KCNG2: variants seen among roughly 807,000 people sequenced by gnomAD.
KCNG2 encodes the protein voltage-gated potassium channel regulatory subunit KCNG2.
KCNG2 carries 7 observed loss-of-function variants against 12.3 expected under a neutral mutation model. That is an observed-to-expected ratio of 0.57 (90% CI 0.32 to 1.07). KCNG2 has a LOEUF of 1.07. Ranked by LOEUF, KCNG2 falls within the 50% of genes least tolerant of loss-of-function variation. KCNG2 has a pLI of 0.04. For synonymous variants in KCNG2, 414 were observed against 351.4 expected (o/e 1.18, Z -1.99); for missense variants, 703 against 726.0 (o/e 0.97, Z 0.36).
At chr18:79,846,963 T>C (rs1978649586) in intron 1 of KCNG2, among the ~76,000 whole-genome samples, 1 of 152,188 alleles carries the variant, frequency 6.6e-6, no homozygotes, top group Admixed American at 6.5e-5. Flanking sequence ...ACGAACTCGT[T>C]TGGCCACAGG....
At chr18:79,863,574 C>T (rs1599403103) in intron 2 of KCNG2, 54 bp from the exon 3 acceptor site, 3 of 1,128,874 alleles carry the variant, frequency 2.7e-6, no homozygotes, top group East Asian at 8.8e-5. Context: ...CGCGGGCGGA[C>T]GCGCTCCCCC....
At chr18:79,842,078 T>A (rs1978476578) in intron 1 of KCNG2, among the ~76,000 whole-genome samples, 1 of 152,078 alleles carries the variant, frequency 6.6e-6, no homozygotes, top group Non-Finnish European at 1.5e-5. Context: ...AGGCCTAGCC[T>A]CCAGGCCCAC....
chr18:79,840,755 G>A (rs1275528125), intron 1 of KCNG2, among the ~76,000 whole-genome samples: 2 of 152,066 alleles, frequency 1.3e-5, no homozygotes, highest in African/African-American at 2.4e-5. Flanking sequence ...ATAGATCAGT[G>A]GAATAGAACA....
chr18:79,820,413 C>T (rs958447872), intron 1 of KCNG2, among the ~76,000 whole-genome samples: 3 of 152,168 alleles, frequency 2.0e-5, no homozygotes, highest in Admixed American at 2.0e-4. Context: ...ATTTTCCCAT[C>T]GGCAATCCTG....
chr18:79,877,955 G>A lies in KCNG2; in HGVS notation c.624+13664G>A, dbSNP rs115849348. Among the ~76,000 whole-genome samples, 1,137 of 152,264 alleles carry A rather than the reference G, an allele frequency of 7.5e-3. 18 individuals are homozygous for A. Among genetic ancestry groups the A allele is most frequent in the African/African-American group, 0.025 (1,049 of 41,562 alleles). ...GCCCACCGGGCTGCATGCCCATTCC[G>A]CCTGGCACCCAGGTTCCTGTGGCCA... On this transcript the variant is annotated intron_variant, in intron 3 of 3. Transcript: ENST00000316249.
chr18:79,836,500 G>A (rs571927926), intron 1 of KCNG2, among the ~76,000 whole-genome samples: 1 of 152,222 alleles, frequency 6.6e-6, no homozygotes, highest in Non-Finnish European at 1.5e-5. Context: ...CCTTTTTCTT[G>A]AGGTAACCAT....
At position 79,899,227 on chromosome 18, in the gene KCNG2, C is replaced by A; in HGVS notation, c.812C>A (p.Ala271Glu). Reference sequence around the variant, plus strand: ...TACGTGTCGCTGCTGCTGGGGCTGGCGGCAGGCCCGGGCGGGACCAAGCTC... The same window carrying A: ...TACGTGTCGCTGCTGCTGGGGCTGGAGGCAGGCCCGGGCGGGACCAAGCTC... ...PFYVSLLLGL[A>E]AGPGGTKLLE... Residue 271 changes from alanine (A) to glutamate (E), a missense_variant, in exon 4 of 4, where the codon GCG becomes GAG. Coordinates refer to ENST00000316249, the MANE Select transcript of KCNG2 (RefSeq NM_012283.2). The A allele has an allele frequency of 1.3e-6, 2 of 1,599,500 alleles. No individual in the cohort carries two copies. Among genetic ancestry groups the A allele is most frequent in the Non-Finnish European group, 8.5e-7 (1 of 1,178,576 alleles).
chr18:79,866,838 AGAGTGTGGGTGCTGAGGTGTG>A (rs1979597107), intron 3 of KCNG2, among the ~76,000 whole-genome samples: 3 of 26,504 alleles, frequency 1.1e-4, no homozygotes, highest in South Asian at 1.7e-3. Context: ...CTGTGTGCTG[AGAGTGTGGGTGCTGAGGTGTG>A]GGTGCTGAGG....
intron 3 of KCNG2, among the ~76,000 whole-genome samples, chr18:79,880,191 A>G (rs1304974506): frequency 6.6e-6 from 1 of 152,090 alleles, no homozygotes; most frequent in Non-Finnish European, 1.5e-5. Flanking sequence ...TAACATTAAT[A>G]TGCCAATAAA....
At chr18:79,832,807 C>T (rs12960174) in intron 1 of KCNG2, among the ~76,000 whole-genome samples, 30,806 of 152,102 alleles carry the variant, frequency 0.2, 4,256 homozygotes, top group Non-Finnish European at 0.29. Flanking sequence ...CATGCTTCAA[C>T]GTGTTCTCAG....
intron 3 of KCNG2, 56 bp downstream of exon 3, chr18:79,864,347 C>A: frequency 4.2e-6 from 1 of 235,696 alleles, no homozygotes; most frequent in Non-Finnish European, 7.8e-6. Context: ...GGGCTGGGAT[C>A]TGGGCTGCGG....
At chr18:79,877,468 C>A (rs948590875) in intron 3 of KCNG2, among the ~76,000 whole-genome samples, 1 of 152,290 alleles carries the variant, frequency 6.6e-6, no homozygotes, top group South Asian at 2.1e-4. Context: ...AGACCTCAGA[C>A]CCCAACAGGA....
At position 79,822,226 on chromosome 18, in the gene KCNG2, C is replaced by T. The variant is rs183799507; in HGVS notation, c.-115+24212C>T. Among the ~76,000 whole-genome samples, 419 of 152,162 alleles carry T rather than the reference C, an allele frequency of 2.8e-3. 2 individuals are homozygous for T. Among genetic ancestry groups the T allele is most frequent in the African/African-American group, 9.6e-3 (398 of 41,506 alleles). On this transcript the variant is annotated intron_variant, in intron 1 of 3. Coordinates refer to ENST00000316249, the MANE Select transcript of KCNG2 (RefSeq NM_012283.2). This position sits in a 1 kb window ranked among gnomAD's most constrained non-coding sequence, Gnocchi z 4.4. The stretch of plus-strand genomic sequence containing the variant: ...TCATAGAGGTTCCCATGTCTCCCAC[C>T]CAGCTTCCTCCAGTGTTGGCAGAAT...
At chr18:79,810,807 A>AC (rs2087489052) in intron 1 of KCNG2, among the ~76,000 whole-genome samples, 1 of 152,226 alleles carries the variant, frequency 6.6e-6, no homozygotes, top group East Asian at 1.9e-4. Context: ...AACTAGAAGT[A>AC]AATATATGCA....
intron 3 of KCNG2, among the ~76,000 whole-genome samples, chr18:79,887,923 G>A (rs573290592): frequency 1.4e-4 from 21 of 152,272 alleles, no homozygotes; most frequent in African/African-American, 4.3e-4. Flanking sequence ...AGAGGGAGGC[G>A]AATGGGGAGT....
At chr18:79,846,377 A>AG (rs1450920627) in intron 1 of KCNG2, among the ~76,000 whole-genome samples, 2 of 150,232 alleles carry the variant, frequency 1.3e-5, no homozygotes, top group East Asian at 3.9e-4. Flanking sequence ...TCCGTCTCAA[A>AG]AAAAAAAAAA....
chr18:79,867,998 C>G (rs564078751), intron 3 of KCNG2, among the ~76,000 whole-genome samples: 320 of 152,310 alleles, frequency 2.1e-3, no homozygotes, highest in Non-Finnish European at 3.9e-3. Flanking sequence ...GTCTGGGTGT[C>G]TGGCGGCCAG....
chr18:79,899,237 G>C lies in KCNG2; in HGVS notation c.822G>C (p.Pro274=), dbSNP rs369494677. The change falls in exon 4 of 4, where the codon CCG becomes CCC. Residue 274 remains proline (P), a synonymous_variant. Transcript: ENST00000316249. ...TGCTGCTGGGGCTGGCGGCAGGCCC[G>C]GGCGGGACCAAGCTCCTGGAGCGCG... ...VSLLLGLAAG[P]GGTKLLERAG... 20 of 1,597,962 alleles carry C rather than the reference G, an allele frequency of 1.3e-5. No homozygotes were observed. The East Asian group carries it at 2.2e-4, about 18-fold the overall frequency.
intron 1 of KCNG2, among the ~76,000 whole-genome samples, chr18:79,841,208 T>C (rs1978450570): frequency 6.6e-6 from 1 of 152,120 alleles, no homozygotes; most frequent in African/African-American, 2.4e-5. Context: ...GAGATCAAGG[T>C]TGCAATGAGC....
Sources: gnomAD v4.1 joint callset for allele counts (sites outside exome capture counted in the v4.1 genomes callset) on GRCh38, gnomAD v4.1.1 for gene constraint, Gnocchi (gnomAD v3.1) non-coding constraint, MANE v1.5 for transcripts, NCBI Gene and HGNC (gene_info 2026-07-23, HGNC 2026-07-21) for gene names.